LSP1: variants seen among roughly 807,000 people sequenced by gnomAD.
LSP1 encodes the protein lymphocyte-specific protein 1.
Under a neutral mutation model 49.3 loss-of-function variants are expected in LSP1, and 32 were observed. The ratio of observed to expected loss-of-function variants is 0.65; its 90% CI spans 0.49 to 0.87. The LOEUF is 0.87. LSP1 is among the 40% of genes least tolerant of loss of function. The pLI is 0.00. For missense variants in LSP1, 428 were observed against 442.6 expected, an observed-to-expected ratio of 0.97 and a Z score of 0.30; for synonymous variants, 179 against 178.8, an observed-to-expected ratio of 1.00 and a Z score of -0.01.
intron 8 of LSP1, 89 bp downstream of exon 8, chr11:1,886,955 T>C (rs1848779732): frequency 6.7e-7 from 1 of 1,499,274 alleles, no homozygotes; most frequent in Non-Finnish European, 9.0e-7. Context: ...AAGACAAGCA[T>C]GGGACTGTCC....
At chr11:1,875,191 C>T (rs1848256179) in intron 1 of LSP1, among the ~76,000 whole-genome samples, 1 of 148,948 alleles carries the variant, frequency 6.7e-6, no homozygotes. Context: ...GGAGGCTCCG[C>T]CCTCCCCCCC....
At chr11:1,876,547 C>T (rs1192816897) in intron 1 of LSP1, 74 of 985,582 alleles carry the variant, frequency 7.5e-5, no homozygotes, top group Non-Finnish European at 8.2e-5. Flanking sequence ...TCAGGACAGC[C>T]GGGTGGGGCA....
At chr11:1,890,871 T>C (rs1280837791) in intron 10 of LSP1, 1 of 457,418 alleles carries the variant, frequency 2.2e-6, no homozygotes, top group Non-Finnish European at 4.0e-6. Context: ...CTGTCCTCCA[T>C]GCCACCCCAG....
At chr11:1,871,609 A>T (rs1270730985) in intron 1 of LSP1, among the ~76,000 whole-genome samples, 1 of 152,202 alleles carries the variant, frequency 6.6e-6, no homozygotes. Context: ...CGGAGGCCAC[A>T]CCATGAGGTT....
At chr11:1,855,883 C>T (rs761934251) in intron 1 of LSP1, among the ~76,000 whole-genome samples, 3 of 152,214 alleles carry the variant, frequency 2.0e-5, no homozygotes, top group Non-Finnish European at 4.4e-5. Context: ...ACTATCTGGC[C>T]TTGGAGGCCT....
At chr11:1,881,115 A>C in intron 2 of LSP1, 1 of 281,542 alleles carries the variant, frequency 3.6e-6, no homozygotes. Flanking sequence ...GGGAGCCCCA[A>C]ACTGATGAGG....
chr11:1,881,630 G>A, intron 3 of LSP1, 34 bp downstream of exon 3: 1 of 1,429,126 alleles, frequency 7.0e-7, no homozygotes, highest in South Asian at 1.5e-5. Flanking sequence ...GCGCTGGGCA[G>A]AGCAGGGCTC....
In LSP1 at chr11:1,884,475, G is replaced by T; in HGVS notation, c.636-25G>T. ...GGAGAAGCCTTGTGGGAGACATGGGGCCTGACACATCTTCTACCCTCCAGT... is the reference window on the plus strand; with the variant it reads ...GGAGAAGCCTTGTGGGAGACATGGGTCCTGACACATCTTCTACCCTCCAGT... On this transcript the variant is annotated intron_variant, in intron 6 of 10. Transcript: ENST00000311604. The surrounding 1 kb of genome is among the most constrained non-coding windows in gnomAD (Gnocchi z 4.1). 6.2e-7 allele frequency: 1 copy of T among 1,608,878 alleles called. No homozygotes were observed. The highest frequency in any genetic ancestry group is 1.7e-5 in the Admixed American group (1 of 59,996).
At position 1,871,174 on chromosome 11, in the gene LSP1, G is replaced by A. The variant is rs562398464; in HGVS notation, c.54-8913G>A. ...GTGGTTAGTGACACGGAGGAAGACA[G>A]AAAGCCATATGCACAGCACGCAGAA... On this transcript the variant is annotated intron_variant, in intron 1 of 10. Transcript: ENST00000311604. 2.1e-5 allele frequency: 21 copies of A among 985,678 alleles called. No individual in the cohort carries two copies. The South Asian group carries it at 8.9e-4, about 42-fold the overall frequency. 61.1% of individuals were successfully genotyped at this position (985,678 alleles called of 1,614,324 possible).
intron 1 of LSP1, among the ~76,000 whole-genome samples, chr11:1,858,472 G>A (rs1008525316): frequency 4.0e-5 from 6 of 151,732 alleles, no homozygotes; most frequent in African/African-American, 1.2e-4. Context: ...GCCCAGCCCC[G>A]CCCAAATCCC....
At position 1,884,784 on chromosome 11, in the gene LSP1, C is replaced by T. The variant is rs1333929396; in HGVS notation, c.717+203C>T. On this transcript the variant is annotated intron_variant, in intron 7 of 10. Coordinates refer to ENST00000311604, the MANE Select transcript of LSP1 (RefSeq NM_002339.3). This position sits in a 1 kb window ranked among gnomAD's most constrained non-coding sequence, Gnocchi z 4.1. ...AATGTCACTCCATGTAATCAATGCC[C>T]CCCCTTTCAATCAATGCTACTCCAT... Among the ~76,000 whole-genome samples, 1 of 151,606 alleles carries T rather than the reference C, an allele frequency of 6.6e-6. No homozygotes were observed. The highest frequency in any genetic ancestry group is 2.0e-4 in the East Asian group (1 of 5,118).
intron 1 of LSP1, among the ~76,000 whole-genome samples, chr11:1,858,764 G>A (rs1847551250): frequency 6.6e-6 from 1 of 152,230 alleles, no homozygotes. Flanking sequence ...AAAAGAGGTT[G>A]GAGGGGCTGC....
In LSP1 at chr11:1,884,263, C is replaced by T. The variant is rs1016016510; in HGVS notation, c.592-17C>T. 3.7e-6 allele frequency: 6 copies of T among 1,613,922 alleles called. No individual in the cohort carries two copies. In the African/African-American group the frequency reaches 5.3e-5, roughly 14 times the overall value. ...CCTCGGCTGCTGCAGGCCTGTGTCT[C>T]TCTCCACCCTCTGCAGCTCATCGAC... On this transcript the variant is annotated splice_polypyrimidine_tract_variant and intron_variant, in intron 5 of 10. Coordinates refer to ENST00000311604, the MANE Select transcript of LSP1 (RefSeq NM_002339.3). The surrounding 1 kb of genome is among the most constrained non-coding windows in gnomAD (Gnocchi z 4.1).
intron 1 of LSP1, chr11:1,866,530 G>T: frequency 2.0e-6 from 3 of 1,533,084 alleles, no homozygotes; most frequent in Non-Finnish European, 2.6e-6. Flanking sequence ...CTGAGTTCAG[G>T]ACCAGCACCA....
At chr11:1,872,703 C>T (rs1227783717) in intron 1 of LSP1, among the ~76,000 whole-genome samples, 18 of 148,678 alleles carry the variant, frequency 1.2e-4, no homozygotes, top group Admixed American at 1.2e-3. Flanking sequence ...CAGACCTGGG[C>T]TGTAGTCACC....
intron 1 of LSP1, chr11:1,876,316 AGTGCT>A (rs2133099893): frequency 3.9e-6 from 1 of 259,154 alleles, no homozygotes; most frequent in East Asian, 1.8e-4. Context: ...CAGAGACCTC[AGTGCT>A]GTGCAGGGAG....
chr11:1,879,286 G>A (rs758294782), intron 1 of LSP1, among the ~76,000 whole-genome samples: 8 of 152,132 alleles, frequency 5.3e-5, no homozygotes, highest in Non-Finnish European at 8.8e-5. Context: ...CGGAGGTTGT[G>A]GTGAGCCCAG....
intron 1 of LSP1, chr11:1,868,686 G>A: frequency 1.0e-6 from 1 of 985,828 alleles, no homozygotes; most frequent in Non-Finnish European, 1.2e-6. Flanking sequence ...CTGGAAGTCG[G>A]TCTTCGGACA....
In LSP1 at chr11:1,883,555, G is replaced by T. The variant is rs765067269; in HGVS notation, c.493G>T (p.Glu165Ter). ...GGCCGCAGGGGCTGAGGAGGAACAG[G>T]AGGAGGTGATGGCTCCACCTCAGAG... ...LGAAGAEEEQ[E>*]EHQKCQQPRT... is the part of the protein sequence containing the mutation. Residue 165 changes from glutamate (E) to a stop codon, truncating the protein, a stop_gained, in exon 4 of 11, where the codon GAG becomes TAG. Coordinates refer to ENST00000311604, the MANE Select transcript of LSP1 (RefSeq NM_002339.3). LOFTEE classifies it high-confidence loss of function. 1.2e-6 allele frequency: 2 copies of T among 1,610,324 alleles called. No homozygotes were observed. Among genetic ancestry groups the T allele is most frequent in the Non-Finnish European group, 1.7e-6 (2 of 1,178,686 alleles).
Sources: allele counts gnomAD v4.1 joint callset (sites outside exome capture counted in the v4.1 genomes callset), GRCh38; gene constraint gnomAD v4.1.1; non-coding constraint Gnocchi (gnomAD v3.1); transcripts MANE v1.5; gene names NCBI Gene and HGNC (gene_info 2026-07-23, HGNC 2026-07-21).